The following TNK2 variants were observed in gnomAD, a reference collection of about 807,000 sequenced individuals.
The protein encoded by TNK2 is activated CDC42 kinase 1.
TNK2 carries 83 observed loss-of-function variants against 101.8 expected under a neutral mutation model. That is an observed-to-expected ratio of 0.82 (90% CI 0.68 to 0.98). The LOEUF (loss-of-function observed/expected upper bound fraction) is 0.98. Among genes scored for constraint, TNK2 ranks in the 50% least tolerant of loss-of-function variants. TNK2 has a pLI of 0.00. For synonymous variants in TNK2, 804 were observed against 633.0 expected (o/e 1.27, Z -4.06); for missense variants, 1,665 against 1,483.2 (o/e 1.12, Z -2.01).
intron 12 of TNK2, 173 bp downstream of exon 12, chr3:195,869,324 G>A: frequency 1.4e-6 from 1 of 694,810 alleles, no homozygotes. Context: ...GGCTCCGGGG[G>A]GCGGGCTCGA....
At chr3:195,891,953 A>G in intron 1 of TNK2, 1 of 991,616 alleles carries the variant, frequency 1.0e-6, no homozygotes, top group Non-Finnish European at 1.2e-6. Flanking sequence ...ACCCAGCAAC[A>G]GCGCAGCTCT....
intron 1 of TNK2, among the ~76,000 whole-genome samples, chr3:195,890,454 G>GTTTTTTT (rs58431049): frequency 8.4e-6 from 1 of 119,174 alleles, no homozygotes; most frequent in Non-Finnish European, 1.8e-5. Flanking sequence ...TAGTTTTTTG[G>GTTTTTTT]TTTTTTTTTT....
intron 12 of TNK2, 166 bp from the exon 13 acceptor site, chr3:195,868,875 C>T (rs1010422612): frequency 4.1e-6 from 3 of 728,684 alleles, no homozygotes; most frequent in Admixed American, 3.4e-5. Flanking sequence ...CTCAGCGCAC[C>T]TCCGACCACT....
chr3:195,869,393 A>ACC, intron 12 of TNK2, 104 bp downstream of exon 12: 1 of 584,654 alleles, frequency 1.7e-6, no homozygotes, highest in East Asian at 4.6e-5. Context: ...ACACCCACCC[A>ACC]CCTCCCCTCC....
At chr3:195,870,303 A>G (rs765738483) in intron 10 of TNK2, 98 bp from the exon 11 acceptor site, 1 of 1,556,086 alleles carries the variant, frequency 6.4e-7, no homozygotes, top group Non-Finnish European at 8.7e-7. Context: ...AACCGGGTGT[A>G]GTCTTGGGTC....
intron 11 of TNK2, 132 bp from the exon 12 acceptor site, chr3:195,869,673 A>G (rs1743583131): frequency 3.2e-6 from 3 of 940,444 alleles, no homozygotes; most frequent in Non-Finnish European, 5.0e-6. Context: ...GAGTGAATGT[A>G]CAAGCCCCCA....
At position 195,877,090 on chromosome 3, in the gene TNK2, T is replaced by C. The variant is rs374165836; in HGVS notation, c.1256+1163A>G. 6.8e-4 allele frequency among the ~76,000 whole-genome samples: 104 copies of C among 151,974 alleles called. 2 individuals are homozygous for C. The highest frequency in any genetic ancestry group is 6.2e-3 in the South Asian group (30 of 4,806). On this transcript the variant is annotated intron_variant, in intron 9 of 15. Transcript: ENST00000672887. ...CAGGGGACCCCCCCACCCTTAATCT[T>C]CCTATTTCCAGAATGCTCCCCGGAG...
intron 15 of TNK2, among the ~76,000 whole-genome samples, chr3:195,864,616 G>C (rs567324261): frequency 7.6e-6 from 1 of 132,398 alleles, no homozygotes; most frequent in Non-Finnish European, 1.6e-5. Context: ...CAGGTGACAC[G>C]GAGTGCCTGC....
intron 1 of TNK2, among the ~76,000 whole-genome samples, chr3:195,890,752 T>A (rs1396564883): frequency 6.6e-6 from 1 of 152,196 alleles, no homozygotes; most frequent in African/African-American, 2.4e-5. Context: ...TAAAATAAAT[T>A]TTCCTGGAAT....
At chr3:195,901,758 T>C (rs1761230873) in intron 1 of TNK2, among the ~76,000 whole-genome samples, 2 of 152,134 alleles carry the variant, frequency 1.3e-5, no homozygotes, top group African/African-American at 4.8e-5. Flanking sequence ...TTTACAAATA[T>C]GGAAACCAGC....
chr3:195,891,825 G>C (rs1577102727), intron 1 of TNK2: 2 of 730,836 alleles, frequency 2.7e-6, no homozygotes, highest in South Asian at 1.2e-4. Context: ...GGTCAGGGCT[G>C]GGGGAGACCC....
intron 1 of TNK2, among the ~76,000 whole-genome samples, chr3:195,898,693 A>G (rs1205762705): frequency 6.6e-6 from 1 of 152,054 alleles, no homozygotes; most frequent in African/African-American, 2.4e-5. Context: ...TGGTGTGACC[A>G]TGGCTCATTT....
chr3:195,890,145 C>T (rs558104909), intron 1 of TNK2, among the ~76,000 whole-genome samples: 2 of 152,364 alleles, frequency 1.3e-5, no homozygotes, highest in Non-Finnish European at 1.5e-5. Flanking sequence ...CCTCGGCGAC[C>T]GGGCCAGGCA....
rs753155303 is a variant in TNK2 at position 195,867,860 on chromosome 3, G to A, written c.2438C>T (p.Pro813Leu). The part of the protein sequence containing the change: ...GSRTPSPLVP[P>L]GSSPLPPRLS... ...CCGGGGTGGCAGCGGGGAGCTGCCA[G>A]GTGGTACCAGGGGGCTGGGTGTCCT... Residue 813 changes from proline to leucine, a missense_variant, in exon 13 of 16, where the codon CCT becomes CTT. Around this residue, in one of 3 missense-constraint regions of TNK2, gnomAD observed 1,136 missense variants for 894.9 expected, o/e 1.27. Transcript: ENST00000672887. The A allele has an allele frequency of 5.2e-6, 8 of 1,531,278 alleles. No homozygotes were observed. The highest frequency in any genetic ancestry group is 2.3e-5 in the East Asian group (1 of 43,896). 94.9% of individuals were successfully genotyped at this position (1,531,278 alleles called of 1,614,324 possible).
At position 195,885,902 on chromosome 3, in the gene TNK2, G is replaced by A. The variant is rs535669719; in HGVS notation, c.235-869C>T. ...TGGATCCTTATCCGTCTGGGCTAGG[G>A]TGCCTCAAATCTGAGGGCCTCTTCT... is the stretch of plus-strand genomic sequence containing the variant. On this transcript the variant is annotated intron_variant, in intron 3 of 15. Coordinates refer to ENST00000672887, the MANE Select transcript of TNK2 (RefSeq NM_001382273.1). This position sits in a 1 kb window ranked among gnomAD's most constrained non-coding sequence, Gnocchi z 4.7. 4 of 263,054 alleles carry A rather than the reference G, an allele frequency of 1.5e-5. No homozygotes were observed. The Admixed American group carries it at 1.9e-4, about 12-fold the overall frequency. 16.3% of individuals were successfully genotyped at this position (263,054 alleles called of 1,614,324 possible).
chr3:195,877,436 G>A (rs1484827604), intron 9 of TNK2, among the ~76,000 whole-genome samples: 3 of 152,198 alleles, frequency 2.0e-5, no homozygotes, highest in Admixed American at 1.3e-4. Context: ...AAGCTGCAGT[G>A]CAGGTGGAAG....
chr3:195,887,885 TACGC>T (rs1332189789), intron 2 of TNK2, among the ~76,000 whole-genome samples: 1 of 145,270 alleles, frequency 6.9e-6, no homozygotes, highest in East Asian at 2.1e-4. Context: ...AGCGCGTGCG[TACGC>T]ACGTGCATGC....
intron 4 of TNK2, chr3:195,883,628 T>C (rs1049349186): frequency 1.2e-5 from 3 of 251,936 alleles, no homozygotes; most frequent in African/African-American, 6.6e-5. Context: ...TGGAATTTTT[T>C]TTTTTGAGAC....
At chr3:195,868,739 A>AG (rs768988360) in intron 12 of TNK2, 30 bp from the exon 13 acceptor site, 7 of 1,519,822 alleles carry the variant, frequency 4.6e-6, no homozygotes. Context: ...CCCAACAGGA[A>AG]GGCAGTCAGG....
Sources: allele counts gnomAD v4.1 joint callset (sites outside exome capture counted in the v4.1 genomes callset), GRCh38; gene constraint gnomAD v4.1.1; regional missense constraint gnomAD v4.1.1; non-coding constraint Gnocchi (gnomAD v3.1); transcripts MANE v1.5; gene names NCBI Gene and HGNC (gene_info 2026-07-23, HGNC 2026-07-21).